WAPL: variants seen among roughly 807,000 people sequenced by gnomAD.
The protein encoded by WAPL is wings apart-like protein homolog.
WAPL carries 5 observed loss-of-function variants against 121.0 expected under a neutral mutation model. The ratio of observed to expected loss-of-function variants is 0.04; its 90% confidence interval spans 0.02 to 0.09. WAPL has a LOEUF of 0.09. Among genes scored for constraint, WAPL ranks in the 10% least tolerant of loss-of-function variants. The pLI is 1.00. For synonymous variants in WAPL, 480 were observed against 481.5 expected (o/e 1.00, Z 0.04); for missense variants, 999 against 1,410.8 (o/e 0.71, Z 4.68).
intron 2 of WAPL, among the ~76,000 whole-genome samples, chr10:86,513,157 G>A (rs184903001): frequency 1.0e-3 from 156 of 151,774 alleles, no homozygotes; most frequent in Non-Finnish European, 1.6e-3. Flanking sequence ...AGCAATTTCC[G>A]CTAATTTTTT....
At chr10:86,450,837 C>T (rs1000823997) in intron 15 of WAPL, among the ~76,000 whole-genome samples, 55 of 152,202 alleles carry the variant, frequency 3.6e-4, no homozygotes, top group African/African-American at 1.2e-3. Flanking sequence ...TAGGGATTAA[C>T]TACCTCTTAT....
chr10:86,505,275 C>G (rs1365601759), intron 2 of WAPL, among the ~76,000 whole-genome samples: 3 of 137,226 alleles, frequency 2.2e-5, no homozygotes, highest in African/African-American at 8.1e-5. Flanking sequence ...ACTGGGATTA[C>G]AAGCTTCAGC....
chr10:86,440,293 C>CTTT (rs980493414), intron 17 of WAPL, among the ~76,000 whole-genome samples: 1 of 144,604 alleles, frequency 6.9e-6, no homozygotes, highest in African/African-American at 2.5e-5. Flanking sequence ...ATTTTCATTG[C>CTTT]TTTTTTTTTT....
intron 12 of WAPL, among the ~76,000 whole-genome samples, chr10:86,454,676 G>A (rs987484803): frequency 1.3e-5 from 2 of 152,050 alleles, no homozygotes; most frequent in South Asian, 2.1e-4. Flanking sequence ...AGTGAGGAGC[G>A]TCTCTGCCTG....
intron 7 of WAPL, among the ~76,000 whole-genome samples, chr10:86,471,456 A>G (rs1434316570): frequency 1.3e-5 from 2 of 152,224 alleles, no homozygotes; most frequent in African/African-American, 4.8e-5. Context: ...CAAATGACTG[A>G]AAAATTTAAT....
chr10:86,453,190 C>G, intron 14 of WAPL, 30 bp downstream of exon 14: 2 of 1,577,934 alleles, frequency 1.3e-6, no homozygotes, highest in Non-Finnish European at 1.7e-6. Flanking sequence ...AGATATGATA[C>G]TCATTTCTGA....
chr10:86,518,597 A>T (rs889392027), intron 1 of WAPL, among the ~76,000 whole-genome samples: 1 of 152,214 alleles, frequency 6.6e-6, no homozygotes, highest in Non-Finnish European at 1.5e-5. Context: ...AATCCCAGCT[A>T]CTTGAGAAGC....
At chr10:86,446,977 T>C (rs971424281) in intron 15 of WAPL, among the ~76,000 whole-genome samples, 1 of 152,320 alleles carries the variant, frequency 6.6e-6, no homozygotes, top group East Asian at 1.9e-4. Flanking sequence ...TAAAATAATA[T>C]CTTTCAGAAA....
At chr10:86,498,455 A>AG (rs1320623545) in intron 3 of WAPL, among the ~76,000 whole-genome samples, 15 of 152,116 alleles carry the variant, frequency 9.9e-5, no homozygotes, top group Admixed American at 9.8e-4. Context: ...GTGTATGTCT[A>AG]GTTTTGAAGA....
At position 86,437,383 on chromosome 10, in the gene WAPL, G is replaced by A. The variant is rs757159274; in HGVS notation, c.*160C>T. ...TAGTAACTGTCATTTAGCAAATGCC[G>A]AATGCATGACGAAGAAATCAGGTGG... On this transcript the variant is annotated 3_prime_UTR_variant, in exon 19 of 19. Coordinates refer to ENST00000298767, the MANE Select transcript of WAPL (RefSeq NM_015045.5). The A allele has an allele frequency of 2.7e-5, 17 of 619,890 alleles. No individual in the cohort carries two copies. The highest frequency in any genetic ancestry group is 3.5e-5 in the Non-Finnish European group (13 of 370,548). The allele number at this position is 619,890 out of a possible 1,614,324, so 38.4% of individuals were successfully genotyped here.
In WAPL at chr10:86,513,823, A is replaced by T. The variant is rs182334003; in HGVS notation, c.499+3748T>A. ...CAAAAAAATAGTATGAACGAGAAGG[A>T]CACTCAACACTCCACTGGAAAGATA... On this transcript the variant is annotated intron_variant, in intron 2 of 18. Coordinates refer to ENST00000298767, the MANE Select transcript of WAPL (RefSeq NM_015045.5). Among the ~76,000 whole-genome samples, 340 of 152,312 alleles carry T rather than the reference A, an allele frequency of 2.2e-3. 1 individual carries two copies. The highest frequency in any genetic ancestry group is 7.8e-3 in the African/African-American group (326 of 41,564).
At chr10:86,437,826 T>C (rs1433707611) in intron 18 of WAPL, 94 bp downstream of exon 18, 1 of 1,075,240 alleles carries the variant, frequency 9.3e-7, no homozygotes, top group African/African-American at 1.6e-5. Flanking sequence ...AAAATCCCTT[T>C]TTGCTCCCAC....
rs766933181 is a variant in WAPL at position 86,518,094 on chromosome 10, G to A, written c.-22-3C>T. On this transcript the variant is annotated splice_region_variant and splice_polypyrimidine_tract_variant and intron_variant, in intron 1 of 18. Coordinates refer to ENST00000298767, the MANE Select transcript of WAPL (RefSeq NM_015045.5). ...TTTTGACACCAGTTTCATATTCTCTGTGAAAAAAAATTTAAGAAAACATAT... is the reference window on the plus strand; with the variant it reads ...TTTTGACACCAGTTTCATATTCTCTATGAAAAAAAATTTAAGAAAACATAT... 2 of 1,590,686 alleles carry A rather than the reference G, an allele frequency of 1.3e-6. No individual in the cohort carries two copies. The highest frequency in any genetic ancestry group is 1.7e-6 in the Non-Finnish European group (2 of 1,170,196).
intron 4 of WAPL, among the ~76,000 whole-genome samples, chr10:86,489,885 G>GGAA (rs1554830631): frequency 7.4e-5 from 10 of 135,516 alleles, no homozygotes; most frequent in African/African-American, 2.5e-4. Context: ...GTTTTGCCTT[G>GGAA]AAAAAAAAAA....
In WAPL at chr10:86,472,352, G is replaced by A. The variant is rs1468216006; in HGVS notation, c.1894-8C>T. On this transcript the variant is annotated splice_polypyrimidine_tract_variant and splice_region_variant and intron_variant, in intron 6 of 18. Transcript: ENST00000298767. The surrounding 1 kb of genome is among the most constrained non-coding windows in gnomAD (Gnocchi z 4.2). ...CTGAACAACAGTATATAACTGCCAA[G>A]AAAAAAAAAGTTCACCCCTTTTTAA... 1.3e-6 allele frequency: 2 copies of A among 1,576,124 alleles called. No individual in the cohort carries two copies. Among genetic ancestry groups the A allele is most frequent in the Non-Finnish European group, 1.7e-6 (2 of 1,169,070 alleles).
intron 4 of WAPL, among the ~76,000 whole-genome samples, chr10:86,474,392 GTAA>G (rs1841603414): frequency 6.6e-6 from 1 of 151,980 alleles, no homozygotes; most frequent in East Asian, 1.9e-4. Flanking sequence ...GCAGGCATCT[GTAA>G]TCCCAGCTAT....
At chr10:86,439,105 G>A (rs1013884407) in intron 17 of WAPL, among the ~76,000 whole-genome samples, 1 of 152,032 alleles carries the variant, frequency 6.6e-6, no homozygotes, top group African/African-American at 2.4e-5. Flanking sequence ...CTCCCAATTC[G>A]ACTTTTGTTA....
At chr10:86,511,245 G>C (rs1842458999) in intron 2 of WAPL, among the ~76,000 whole-genome samples, 1 of 152,112 alleles carries the variant, frequency 6.6e-6, no homozygotes, top group Admixed American at 6.6e-5. Context: ...CCAGGAGTTT[G>C]AGGCCAGCCA....
chr10:86,447,003 T>C (rs1424766907), intron 15 of WAPL, among the ~76,000 whole-genome samples: 1 of 152,220 alleles, frequency 6.6e-6, no homozygotes, highest in Admixed American at 6.5e-5. Flanking sequence ...AATTAAACTT[T>C]ATAGAGAGCA....
Sources: gnomAD v4.1 joint callset for allele counts (sites outside exome capture counted in the v4.1 genomes callset) on GRCh38, gnomAD v4.1.1 for gene constraint, Gnocchi (gnomAD v3.1) non-coding constraint, MANE v1.5 for transcripts, NCBI Gene and HGNC (gene_info 2026-07-23, HGNC 2026-07-21) for gene names.